HDX: variants seen among roughly 807,000 people sequenced by gnomAD.
The protein encoded by HDX is highly divergent homeobox.
In HDX, 19 loss-of-function variants were observed where a neutral mutation model predicts 45.2. That is an observed-to-expected ratio of 0.42 (90% CI 0.29 to 0.62). HDX has a LOEUF of 0.62. HDX is among the 20% of genes least tolerant of loss of function. HDX has a pLI of 0.20. For missense variants in HDX, 532 were observed against 493.9 expected, an observed-to-expected ratio of 1.08 and a Z score of -0.73; for synonymous variants, 188 against 172.8, an observed-to-expected ratio of 1.09 and a Z score of -0.69.
At chrX:84,447,689 A>T (rs2039903707) in intron 4 of HDX, among the ~76,000 whole-genome samples, 1 of 111,360 alleles carries the variant, frequency 9.0e-6, no homozygotes, top group South Asian at 3.8e-4. Context: ...CAGCTCCTGC[A>T]TCTCCGAATC....
intron 5 of HDX, among the ~76,000 whole-genome samples, chrX:84,373,532 C>T (rs1217354571): frequency 2.7e-5 from 3 of 110,371 alleles, no homozygotes; most frequent in Non-Finnish European, 5.7e-5. Context: ...CAAACCGAAT[C>T]CAGCAGCTCA....
chrX:84,344,393 C>T lies in HDX; in HGVS notation c.1517G>A (p.Gly506Glu). Residue 506 changes from glycine (G) to glutamate (E), a missense_variant, in exon 7 of 11, where the codon GGA becomes GAA. Physicochemically the swap from Gly to Glu is moderately conservative, Grantham distance 98 (BLOSUM62 -2). Coordinates refer to ENST00000373177, the MANE Select transcript of HDX (RefSeq NM_001177479.2). ...CTGCTCAGAGAAATCAGCAGGGCCT[C>T]CTCTTGGAGGTGGAACTTCAATCCC... ...LMGIEVPPPR[G>E]GPADFSEQPE... The T allele has an allele frequency of 8.3e-7, 1 of 1,207,003 alleles. No homozygotes were observed. The highest frequency in any genetic ancestry group is 1.1e-6 in the Non-Finnish European group (1 of 891,811).
intron 4 of HDX, among the ~76,000 whole-genome samples, chrX:84,461,129 C>G (rs759684785): frequency 9.0e-6 from 1 of 111,049 alleles, no homozygotes; most frequent in Non-Finnish European, 1.9e-5. Context: ...ATTCAATCCC[C>G]GTCAAAATAC....
chrX:84,449,335 A>C (rs1001326932), intron 4 of HDX, among the ~76,000 whole-genome samples: 1 of 111,956 alleles, frequency 8.9e-6, no homozygotes, highest in Non-Finnish European at 1.9e-5. Flanking sequence ...AAAGAGATAC[A>C]ATGCTAAAAG....
intron 5 of HDX, among the ~76,000 whole-genome samples, chrX:84,392,112 T>C (rs2038455386): frequency 8.9e-6 from 1 of 111,849 alleles, no homozygotes; most frequent in African/African-American, 3.2e-5. Context: ...AAATAAGGGT[T>C]CACTTTCATT....
Position 84,423,910 on chromosome X carries a change from A to G in HDX, c.1305+16622T>C, listed in dbSNP as rs774463444. 3.6e-5 allele frequency among the ~76,000 whole-genome samples: 4 copies of G among 111,774 alleles called. No homozygotes were observed. In the South Asian group the frequency reaches 1.5e-3, roughly 42 times the overall value. ...AAAGATTTCCTCTAACATGTTGAAT[A>G]TAACAAAGATATCTAGTATCACCAT... is the stretch of plus-strand genomic sequence containing the variant. On this transcript the variant is annotated intron_variant, in intron 5 of 10. Coordinates refer to ENST00000373177, the MANE Select transcript of HDX (RefSeq NM_001177479.2).
At position 84,356,620 on chromosome X, in the gene HDX, T is replaced by C. The variant is rs1028837612; in HGVS notation, c.1452+4846A>G. Among the ~76,000 whole-genome samples the C allele has an allele frequency of 2.4e-3, 203 of 84,047 alleles. 4 individuals are homozygous for C. The highest frequency in any genetic ancestry group is 8.9e-3 in the African/African-American group (194 of 21,804). 73.0% of individuals were successfully genotyped at this position (84,047 alleles called of 115,157 possible). A position where few individuals can be genotyped will look rare whatever the true frequency, so the allele number is the denominator to read the frequency against. The stretch of plus-strand genomic sequence containing the variant: ...CCAGGAATCCTGTGGATATCTTTTT[T>C]TTTTTTTTTTTTTTTTTTTTGAGAT... On this transcript the variant is annotated intron_variant, in intron 6 of 10. Transcript: ENST00000373177.
chrX:84,450,565 A>G (rs1387130133), intron 4 of HDX, among the ~76,000 whole-genome samples: 5 of 112,027 alleles, frequency 4.5e-5, no homozygotes, highest in African/African-American at 1.6e-4. Flanking sequence ...TAGATTGGGG[A>G]AAAAAGAAGA....
intron 5 of HDX, among the ~76,000 whole-genome samples, chrX:84,388,356 G>C (rs1441541414): frequency 3.6e-5 from 4 of 111,408 alleles, no homozygotes; most frequent in Admixed American, 2.9e-4. Context: ...CATCCTCAGA[G>C]AGATTAGGGA....
At chrX:84,399,254 C>A (rs1199022224) in intron 5 of HDX, among the ~76,000 whole-genome samples, 1 of 108,463 alleles carries the variant, frequency 9.2e-6, no homozygotes, top group Non-Finnish European at 1.9e-5. Context: ...ACAAACCCCC[C>A]CCCAAAAAAA....
At chrX:84,381,970 A>G (rs1406847381) in intron 5 of HDX, among the ~76,000 whole-genome samples, 2 of 111,709 alleles carry the variant, frequency 1.8e-5, no homozygotes, top group African/African-American at 3.2e-5. Context: ...ATTAATAACC[A>G]GAACATATAA....
chrX:84,359,122 T>A (rs1243928615), intron 6 of HDX, among the ~76,000 whole-genome samples: 1 of 111,514 alleles, frequency 9.0e-6, no homozygotes, highest in Non-Finnish European at 1.9e-5. Flanking sequence ...CAAAATTTTA[T>A]CTTTTAAATG....
intron 9 of HDX, among the ~76,000 whole-genome samples, chrX:84,327,754 AC>A (rs938695385): frequency 6.3e-5 from 7 of 111,349 alleles, no homozygotes; most frequent in Non-Finnish European, 1.3e-4. Flanking sequence ...CTTAAATAGA[AC>A]ACAAAAATTA....
At chrX:84,391,854 A>G (rs767258732) in intron 5 of HDX, among the ~76,000 whole-genome samples, 5 of 111,769 alleles carry the variant, frequency 4.5e-5, no homozygotes, top group Non-Finnish European at 7.5e-5. Context: ...TTATCAAATG[A>G]ATAGTTTGCA....
At position 84,322,709 on chromosome X, in the gene HDX, G is replaced by T. The variant is rs185995408; in HGVS notation, c.1948-695C>A. ...TAATGATGAAATAAGCTTTGTCATG[G>T]TCTAATTGTTTTATCTGAAGTTGTA... On this transcript the variant is annotated intron_variant, in intron 10 of 10. Transcript: ENST00000373177. Among the ~76,000 whole-genome samples the T allele has an allele frequency of 2.3e-3, 250 of 110,345 alleles. 2 individuals are homozygous for T. The highest frequency in any genetic ancestry group is 8.0e-3 in the African/African-American group (243 of 30,510).
intron 4 of HDX, among the ~76,000 whole-genome samples, chrX:84,447,617 C>T (rs2039901620): frequency 9.0e-6 from 1 of 110,950 alleles, no homozygotes; most frequent in Admixed American, 9.6e-5. Flanking sequence ...TAAACAGTTA[C>T]ACCAAGATGC....
chrX:84,481,596 G>T (rs766790072), intron 2 of HDX, among the ~76,000 whole-genome samples: 7 of 111,229 alleles, frequency 6.3e-5, no homozygotes, highest in Non-Finnish European at 1.1e-4. Flanking sequence ...GAACAAATTG[G>T]GGTCTGTTTT....
rs530983017 is a variant in HDX, at chrX:84,437,854, C to T, written c.1305+2678G>A. ...TGCTTCCAGGAGTCAAGAGACTAAG[C>T]TACTCTTTGTGTCAGTATCTTCCTT... is the stretch of plus-strand genomic sequence containing the variant. On this transcript the variant is annotated intron_variant, in intron 5 of 10. Coordinates refer to ENST00000373177, the MANE Select transcript of HDX (RefSeq NM_001177479.2). Among the ~76,000 whole-genome samples, 15 of 111,451 alleles carry T rather than the reference C, an allele frequency of 1.3e-4. No homozygotes were observed. In the South Asian group the frequency reaches 5.0e-3, roughly 37 times the overall value.
At chrX:84,427,112 C>T (rs761092943) in intron 5 of HDX, among the ~76,000 whole-genome samples, 33 of 110,166 alleles carry the variant, frequency 3.0e-4, no homozygotes, top group Non-Finnish European at 5.3e-4. Context: ...GAATATTGTA[C>T]ATATTTTTTA....
Sources: allele counts gnomAD v4.1 joint callset (sites outside exome capture counted in the v4.1 genomes callset), GRCh38; gene constraint gnomAD v4.1.1; transcripts MANE v1.5; gene names NCBI Gene and HGNC (gene_info 2026-07-23, HGNC 2026-07-21).